The following RNF10 variants were observed in gnomAD, a reference collection of about 807,000 sequenced individuals.
RNF10 encodes ring finger protein 10.
A neutral mutation model predicts 91.4 loss-of-function variants in RNF10; 38 were observed. The observed-to-expected ratio is 0.42, with a 90% CI of 0.32 to 0.54. The LOEUF (loss-of-function observed/expected upper bound fraction) is 0.54. Among genes scored for constraint, RNF10 ranks in the 20% least tolerant of loss-of-function variants. RNF10 has a pLI of 0.16. For synonymous variants in RNF10, 364 were observed against 366.3 expected, an observed-to-expected ratio of 0.99 and a Z score of 0.07; for missense variants, 945 against 1,012.0, an observed-to-expected ratio of 0.93 and a Z score of 0.90.
intron 1 of RNF10, among the ~76,000 whole-genome samples, chr12:120,543,369 G>A (rs1871843295): frequency 6.6e-6 from 1 of 152,168 alleles, no homozygotes; most frequent in Non-Finnish European, 1.5e-5. Context: ...AGTGGGGCCA[G>A]ACCCCATGGC....
At chr12:120,572,618 G>C (rs1289501397) in intron 14 of RNF10, among the ~76,000 whole-genome samples, 1 of 151,924 alleles carries the variant, frequency 6.6e-6, no homozygotes, top group Non-Finnish European at 1.5e-5. Context: ...GTTTTGAGTT[G>C]AAGTCTTGCT....
At chr12:120,576,082 T>C in intron 16 of RNF10, 132 bp downstream of exon 16, 1 of 890,692 alleles carries the variant, frequency 1.1e-6, no homozygotes, top group South Asian at 1.6e-5. Flanking sequence ...CACTCTAGTG[T>C]CATTTAAATA....
rs376525062 is a variant in RNF10, at chr12:120,565,497, T to C, written c.1853T>C (p.Ile618Thr). ...AREERRRERR[I>T]EIEENKKQGK... ...GAGGAACGCCGCCGAGAGCGCAGGA[T>C]TGAGATAGAGGAGAACAAGAAACAG... The change falls in exon 12 of 17, where the codon ATT (isoleucine) becomes ACT (threonine). Residue 618 changes from isoleucine (I) to threonine (T), a missense_variant. Coordinates refer to ENST00000325954, the MANE Select transcript of RNF10 (RefSeq NM_014868.5). The C allele has an allele frequency of 6.2e-7, 1 of 1,613,152 alleles. No homozygotes were observed. Among genetic ancestry groups the C allele is most frequent in the Non-Finnish European group, 8.5e-7 (1 of 1,179,708 alleles).
intron 8 of RNF10, 54 bp from the exon 9 acceptor site, chr12:120,563,293 G>T (rs1355638832): frequency 1.3e-6 from 2 of 1,561,616 alleles, no homozygotes; most frequent in South Asian, 2.4e-5. Flanking sequence ...TTGCCACATT[G>T]CTTTCGGAAA....
intron 4 of RNF10, among the ~76,000 whole-genome samples, chr12:120,556,569 C>A (rs1449832282): frequency 7.3e-6 from 1 of 137,608 alleles, no homozygotes; most frequent in African/African-American, 2.7e-5. Context: ...CTTGAACTCT[C>A]ACTACTGTGA....
chr12:120,572,585 C>CTTGTTTTGTT (rs542003760), intron 14 of RNF10, among the ~76,000 whole-genome samples: 1 of 151,860 alleles, frequency 6.6e-6, no homozygotes, highest in Non-Finnish European at 1.5e-5. Flanking sequence ...ATGCCAAATA[C>CTTGTTTTGTT]TTGTTTTGTT....
Position 120,576,850 on chromosome 12 carries a change from TC to T in RNF10, c.*186del. On this transcript the variant is annotated 3_prime_UTR_variant, in exon 17 of 17. Transcript: ENST00000325954. Reference sequence around the variant, plus strand: ...TTTAAATACAGTGTATTTTCCAGCTTCCTGTCTTTACACCAAAATAAAGTAT... The same window carrying T: ...TTTAAATACAGTGTATTTTCCAGCTTCTGTCTTTACACCAAAATAAAGTAT... 1.4e-6 allele frequency: 1 copy of T among 696,890 alleles called. No homozygotes were observed. Among genetic ancestry groups the T allele is most frequent in the East Asian group, 3.0e-5 (1 of 32,904 alleles). The allele number at this position is 696,890 out of a possible 1,614,324, so 43.2% of individuals were successfully genotyped here.
intron 12 of RNF10, among the ~76,000 whole-genome samples, 191 bp from the exon 13 acceptor site, chr12:120,566,634 T>C (rs1000615484): frequency 7.2e-5 from 11 of 151,910 alleles, no homozygotes; most frequent in Non-Finnish European, 2.9e-5. Flanking sequence ...TGGTGGCACG[T>C]GCCTGTGGTC....
chr12:120,537,678 ATTC>A (rs1232363477), intron 1 of RNF10, among the ~76,000 whole-genome samples: 1 of 151,880 alleles, frequency 6.6e-6, no homozygotes, highest in Non-Finnish European at 1.5e-5. Flanking sequence ...TTGAGGCAGC[ATTC>A]TTTTTTTTTT....
chr12:120,543,446 C>T (rs1326886942), intron 1 of RNF10, among the ~76,000 whole-genome samples: 1 of 151,844 alleles, frequency 6.6e-6, no homozygotes, highest in Non-Finnish European at 1.5e-5. Flanking sequence ...GGAGGATCGC[C>T]TGAGCCCAGG....
At chr12:120,550,236 C>T (rs775358397) in intron 2 of RNF10, among the ~76,000 whole-genome samples, 1 of 151,920 alleles carries the variant, frequency 6.6e-6, no homozygotes, top group African/African-American at 2.4e-5. Flanking sequence ...AGCTGTAGAA[C>T]GGAAACCTGT....
chr12:120,550,402 T>C (rs1252122866), intron 2 of RNF10, among the ~76,000 whole-genome samples: 1 of 151,610 alleles, frequency 6.6e-6, no homozygotes, highest in Non-Finnish European at 1.5e-5. Context: ...TGATAAAAGG[T>C]TGAGAATGTG....
chr12:120,569,487 G>C (rs1446315315), intron 13 of RNF10, among the ~76,000 whole-genome samples: 1 of 151,532 alleles, frequency 6.6e-6, no homozygotes, highest in Non-Finnish European at 1.5e-5. Context: ...TGAAAAAGGA[G>C]CATACGAAGG....
chr12:120,576,908 T>A lies in RNF10; in HGVS notation c.*242T>A, dbSNP rs1877470502. ...AAGAGATCTCTTCCTGCCAAGGTTT[T>A]TAGTTCATTGCCAGTTTAGTCTTTT... On this transcript the variant is annotated 3_prime_UTR_variant, in exon 17 of 17. Coordinates refer to ENST00000325954, the MANE Select transcript of RNF10 (RefSeq NM_014868.5). The A allele has an allele frequency of 4.3e-6, 2 of 470,114 alleles. No individual in the cohort carries two copies. The highest frequency in any genetic ancestry group is 7.6e-6 in the Non-Finnish European group (2 of 264,558). 29.1% of individuals were successfully genotyped at this position (470,114 alleles called of 1,614,324 possible).
chr12:120,561,978 G>A (rs1565962453), intron 7 of RNF10, among the ~76,000 whole-genome samples: 1 of 152,114 alleles, frequency 6.6e-6, no homozygotes, highest in Non-Finnish European at 1.5e-5. Context: ...TTTTTGTATA[G>A]TGTTGTTTGT....
intron 4 of RNF10, among the ~76,000 whole-genome samples, chr12:120,555,393 G>T (rs1247936037): frequency 6.6e-6 from 1 of 151,784 alleles, no homozygotes; most frequent in Non-Finnish European, 1.5e-5. Flanking sequence ...TGTTGGCCAG[G>T]CTGTTTTTGA....
intron 14 of RNF10, chr12:120,574,394 A>G (rs1877094778): frequency 6.6e-6 from 3 of 454,754 alleles, no homozygotes; most frequent in Admixed American, 2.4e-5. Flanking sequence ...AGCAGTTACA[A>G]AGCTGGCCTT....
chr12:120,562,542 G>C (rs1195965486), intron 7 of RNF10, among the ~76,000 whole-genome samples: 3 of 151,982 alleles, frequency 2.0e-5, no homozygotes, highest in African/African-American at 7.2e-5. Flanking sequence ...CCAAAGTGCT[G>C]GGATTACAGG....
At chr12:120,557,181 AGATGAGAGAGATGCG>A in intron 4 of RNF10, 86 bp from the exon 5 acceptor site, 2 of 967,902 alleles carry the variant, frequency 2.1e-6, no homozygotes, top group Non-Finnish European at 3.2e-6. Flanking sequence ...ACGGGGATAG[AGATGAGAGAGATGCG>A]GATGAGAGAG....
Sources: allele counts gnomAD v4.1 joint callset (sites outside exome capture counted in the v4.1 genomes callset), GRCh38; gene constraint gnomAD v4.1.1; transcripts MANE v1.5; gene names NCBI Gene and HGNC (gene_info 2026-07-23, HGNC 2026-07-21).